The following GRM5 variants were observed in gnomAD, a reference collection of about 807,000 sequenced individuals.
The protein encoded by GRM5 is glutamate metabotropic receptor 5.
Under a neutral mutation model 83.1 loss-of-function variants are expected in GRM5, and 19 were observed. The ratio of observed to expected loss-of-function variants is 0.23; its 90% CI spans 0.16 to 0.34. The LOEUF is 0.34. Among genes scored for constraint, GRM5 ranks in the 10% least tolerant of loss-of-function variants. The probability of loss-of-function intolerance (pLI) is 1.00; values close to 1 mark genes in which losing one functional copy is unlikely to be tolerated. For synonymous variants in GRM5, 675 were observed against 633.6 expected (o/e 1.07, Z -0.98); for missense variants, 1,160 against 1,588.3 (o/e 0.73, Z 4.58).
At position 88,509,267 on chromosome 11, in the gene GRM5, G is replaced by A. The variant is rs758288601; in HGVS notation, c.2964C>T (p.Gly988=). 7.1e-5 allele frequency: 105 copies of A among 1,472,570 alleles called. No homozygotes were observed. Among genetic ancestry groups the A allele is most frequent in the African/African-American group, 1.5e-5 (1 of 67,008 alleles). The allele number at this position is 1,472,570 out of a possible 1,614,324, so 91.2% of individuals were successfully genotyped here. ...GGAGCAGAGP[G]GPESPDAGPK... ...GGCCGGCGTCTGGGGACTCGGGCCC[G>A]CCTGGGCCGGCGCCTGCGCAGCCCG... The change falls in exon 10 of 10, where the codon GGC becomes GGT. Residue 988 remains glycine, a synonymous_variant. Coordinates refer to ENST00000305447, the MANE Select transcript of GRM5 (RefSeq NM_001143831.3).
chr11:88,924,134 C>CCAAA (rs1945743436), intron 2 of GRM5, among the ~76,000 whole-genome samples: 1 of 146,844 alleles, frequency 6.8e-6, no homozygotes, highest in Non-Finnish European at 1.5e-5. Context: ...TAGCTATAAT[C>CCAAA]AAAAAAAAAA....
Position 88,997,547 on chromosome 11 carries a change from T to G in GRM5, c.661+49665A>C, listed in dbSNP as rs184846986. ...AAAATTGACAATCCTCTAAGAAGAC[T>G]GAAAAAAATGAGACAGAGAGAGAGA... On this transcript the variant is annotated intron_variant, in intron 2 of 9. Transcript: ENST00000305447. Among the ~76,000 whole-genome samples, 725 of 151,302 alleles carry G rather than the reference T, an allele frequency of 4.8e-3. 9 individuals carry two copies. The highest frequency in any genetic ancestry group is 0.016 in the African/African-American group (641 of 41,270).
At chr11:88,721,347 CA>C (rs1591466048) in intron 3 of GRM5, among the ~76,000 whole-genome samples, 2 of 152,030 alleles carry the variant, frequency 1.3e-5, no homozygotes, top group African/African-American at 2.4e-5. Flanking sequence ...GCCACCCCTG[CA>C]TCATTGGAAT....
At chr11:88,551,971 T>C (rs1324273214) in intron 8 of GRM5, among the ~76,000 whole-genome samples, 1 of 152,084 alleles carries the variant, frequency 6.6e-6, no homozygotes, top group Non-Finnish European at 1.5e-5. Flanking sequence ...GTTTTTAAAA[T>C]CTAGCATCAA....
intron 2 of GRM5, among the ~76,000 whole-genome samples, chr11:89,039,920 C>A (rs1257456395): frequency 2.6e-5 from 4 of 152,184 alleles, no homozygotes; most frequent in African/African-American, 9.6e-5. Flanking sequence ...CTGCCACAGT[C>A]TCCCAAGGAG....
chr11:88,517,723 AC>A (rs1174675657), intron 9 of GRM5, among the ~76,000 whole-genome samples: 4 of 152,162 alleles, frequency 2.6e-5, no homozygotes, highest in African/African-American at 9.6e-5. Context: ...GGACTTGATG[AC>A]TACATGTCAG....
At chr11:88,990,357 G>T (rs1939921542) in intron 2 of GRM5, among the ~76,000 whole-genome samples, 1 of 151,520 alleles carries the variant, frequency 6.6e-6, no homozygotes, top group Non-Finnish European at 1.5e-5. Flanking sequence ...ATCTGAAATT[G>T]TGGCAATAAT....
At chr11:88,877,119 TTAGA>T (rs1944868312) in intron 2 of GRM5, among the ~76,000 whole-genome samples, 1 of 151,770 alleles carries the variant, frequency 6.6e-6, no homozygotes, top group Non-Finnish European at 1.5e-5. Flanking sequence ...AAAATTACAG[TTAGA>T]TAGGAGGAAT....
chr11:88,711,974 G>A lies in GRM5; in HGVS notation c.912-58571C>T, dbSNP rs193261810. On this transcript the variant is annotated intron_variant, in intron 3 of 9. Transcript: ENST00000305447. ...TCCTTTAAGGCAAGCATTATGTCTC[G>A]TTCATTTTGCATCTCAGGAACCCAT... 9.9e-5 allele frequency among the ~76,000 whole-genome samples: 15 copies of A among 152,104 alleles called. No individual in the cohort carries two copies. The East Asian group carries it at 2.3e-3, about 24-fold the overall frequency.
chr11:88,531,878 C>G (rs1422701863), intron 8 of GRM5, among the ~76,000 whole-genome samples: 1 of 152,014 alleles, frequency 6.6e-6, no homozygotes, highest in Non-Finnish European at 1.5e-5. Context: ...CCGTAGTCTT[C>G]CCCTTGAAGG....
intron 2 of GRM5, among the ~76,000 whole-genome samples, chr11:88,909,573 T>C (rs963223241): frequency 1.7e-4 from 21 of 123,408 alleles, no homozygotes; most frequent in African/African-American, 6.0e-4. Flanking sequence ...CACACACACA[T>C]TTTCTATTTT....
intron 3 of GRM5, among the ~76,000 whole-genome samples, chr11:88,720,525 A>G (rs559187117): frequency 1.3e-5 from 2 of 148,434 alleles, no homozygotes; most frequent in East Asian, 3.9e-4. Context: ...CAACTGGGTG[A>G]ATAAGGCTAT....
chr11:88,997,622 A>C (rs570139995), intron 2 of GRM5, among the ~76,000 whole-genome samples: 113 of 152,216 alleles, frequency 7.4e-4, no homozygotes, highest in African/African-American at 2.7e-3. Flanking sequence ...GTGCAACATC[A>C]ATACAGAGCC....
At chr11:88,790,030 A>T (rs1206691605) in intron 3 of GRM5, among the ~76,000 whole-genome samples, 1 of 151,922 alleles carries the variant, frequency 6.6e-6, no homozygotes, top group Non-Finnish European at 1.5e-5. Flanking sequence ...CGCCTGGCAA[A>T]TTTTTGTATT....
rs1469834866 is a variant in GRM5, at chr11:88,971,526, T to A, written c.661+75686A>T. ...TAGCCCCCACTTATAAGTGAGAACA[T>A]GTGGCATTTAGTTTTCTATTCCTGT... On this transcript the variant is annotated intron_variant, in intron 2 of 9. Transcript: ENST00000305447. Among the ~76,000 whole-genome samples the A allele has an allele frequency of 9.9e-5, 15 of 152,280 alleles. No individual in the cohort carries two copies. In the East Asian group the frequency reaches 2.9e-3, roughly 29 times the overall value.
chr11:88,793,416 C>T (rs1389515400), intron 3 of GRM5, among the ~76,000 whole-genome samples: 2 of 152,034 alleles, frequency 1.3e-5, no homozygotes, highest in Non-Finnish European at 2.9e-5. Context: ...TATTTCTGGA[C>T]CTCAGGTTTA....
At chr11:88,772,447 A>G (rs1398534326) in intron 3 of GRM5, among the ~76,000 whole-genome samples, 1 of 147,718 alleles carries the variant, frequency 6.8e-6, no homozygotes, top group Non-Finnish European at 1.5e-5. Context: ...ATTTATTTTT[A>G]TTCATTTTTT....
chr11:88,854,719 A>C (rs1174481815), intron 2 of GRM5, among the ~76,000 whole-genome samples: 1 of 152,014 alleles, frequency 6.6e-6, no homozygotes, highest in Non-Finnish European at 1.5e-5. Flanking sequence ...TACAAGCCTC[A>C]AATCCAACAA....
intron 3 of GRM5, among the ~76,000 whole-genome samples, chr11:88,706,505 A>G (rs1941161836): frequency 6.6e-6 from 1 of 152,116 alleles, no homozygotes; most frequent in Non-Finnish European, 1.5e-5. Context: ...TGAAGTCCCC[A>G]ATATGAAATG....
Sources: gnomAD v4.1 joint callset for allele counts (sites outside exome capture counted in the v4.1 genomes callset) on GRCh38, gnomAD v4.1.1 for gene constraint, MANE v1.5 for transcripts, NCBI Gene and HGNC (gene_info 2026-07-23, HGNC 2026-07-21) for gene names.